SPRED2: variants seen among roughly 807,000 people sequenced by gnomAD.
The protein encoded by SPRED2 is sprouty-related, EVH1 domain-containing protein 2.
Under a neutral mutation model 43.0 loss-of-function variants are expected in SPRED2, and 47 were observed. The observed-to-expected ratio is 1.09, with a 90% CI of 0.87 to 1.40. The LOEUF is 1.40. SPRED2 is among the 40% of genes most tolerant of loss of function. The pLI is 0.00. For synonymous variants in SPRED2, 225 were observed against 225.7 expected, an observed-to-expected ratio of 1.00 and a Z score of 0.03; for missense variants, 561 against 586.4, an observed-to-expected ratio of 0.96 and a Z score of 0.45.
At chr2:65,330,995 AG>A (rs1430984174) in intron 4 of SPRED2, among the ~76,000 whole-genome samples, 2 of 100,022 alleles carry the variant, frequency 2.0e-5, no homozygotes, top group Non-Finnish European at 4.2e-5. Context: ...AAAATGAAAC[AG>A]AAAAAAAATC....
chr2:65,367,216 G>A (rs1384421689), intron 1 of SPRED2, among the ~76,000 whole-genome samples: 2 of 152,200 alleles, frequency 1.3e-5, no homozygotes, highest in African/African-American at 4.8e-5. Context: ...AATTTTATAG[G>A]TGGGATAGTG....
chr2:65,377,557 T>C (rs1203431396), intron 1 of SPRED2: 2 of 471,076 alleles, frequency 4.2e-6, no homozygotes, highest in Non-Finnish European at 8.8e-6. Context: ...GGGAACACTG[T>C]GGCAAAGCAA....
At chr2:65,363,005 G>GT (rs113081105) in intron 1 of SPRED2, among the ~76,000 whole-genome samples, 22,793 of 116,778 alleles carry the variant, frequency 0.2, 3,229 homozygotes, top group Non-Finnish European at 0.27. Flanking sequence ...ATCATGTTTT[G>GT]TTTTTTTTTT....
chr2:65,307,304 T>C (rs1263133628), downstream of SPRED2, among the ~76,000 whole-genome samples: 3 of 152,174 alleles, frequency 2.0e-5, no homozygotes, highest in East Asian at 1.9e-4. Context: ...CAAGCATTTC[T>C]TGTGCCTCAG....
chr2:65,315,426 G>T (rs1055222375), intron 5 of SPRED2, among the ~76,000 whole-genome samples: 4 of 152,116 alleles, frequency 2.6e-5, no homozygotes, highest in African/African-American at 9.7e-5. Flanking sequence ...TTGATCATGC[G>T]CTTATTAGAT....
chr2:65,336,714 A>G (rs1324810511), intron 2 of SPRED2, among the ~76,000 whole-genome samples: 1 of 152,230 alleles, frequency 6.6e-6, no homozygotes, highest in Non-Finnish European at 1.5e-5. Context: ...TCTAAAAACA[A>G]AGACTCCTAG....
chr2:65,379,271 G>A (rs571388928), intron 1 of SPRED2, among the ~76,000 whole-genome samples: 1 of 152,150 alleles, frequency 6.6e-6, no homozygotes, highest in African/African-American at 2.4e-5. Flanking sequence ...ATCTTGCTGA[G>A]AGCAGCTTAT....
intron 1 of SPRED2, among the ~76,000 whole-genome samples, chr2:65,355,309 G>A (rs1028789836): frequency 6.6e-6 from 1 of 152,146 alleles, no homozygotes; most frequent in Non-Finnish European, 1.5e-5. Context: ...ATTATGGGAA[G>A]ATTTTACTGT....
chr2:65,404,102 G>A (rs192599439), intron 1 of SPRED2, among the ~76,000 whole-genome samples: 71 of 152,118 alleles, frequency 4.7e-4, no homozygotes, highest in Non-Finnish European at 2.6e-4. Context: ...CTACTCAGGA[G>A]GCTGAGGCAG....
At chr2:65,399,269 C>CAA (rs1360241172) in intron 1 of SPRED2, among the ~76,000 whole-genome samples, 8 of 78,794 alleles carry the variant, frequency 1.0e-4, no homozygotes, top group African/African-American at 2.0e-4. Flanking sequence ...AAATCTGTCT[C>CAA]AAAAAAAAAA....
rs550098744 is a variant in SPRED2, at chr2:65,360,069, A to C, written c.27-15173T>G. On this transcript the variant is annotated intron_variant, in intron 1 of 5. Coordinates refer to ENST00000356388, the MANE Select transcript of SPRED2 (RefSeq NM_181784.3). ...GACAGAGCGAGACTCCATCTCAAAA[A>C]AAAAAAAAACAAAAAAAAACAAAAA... 1.6e-3 allele frequency among the ~76,000 whole-genome samples: 203 copies of C among 123,180 alleles called. 1 individual carries two copies. The highest frequency in any genetic ancestry group is 4.3e-3 in the Middle Eastern group (1 of 234). 80.8% of individuals were successfully genotyped at this position (123,180 alleles called of 152,430 possible).
At chr2:65,350,267 A>G (rs1674471494) in intron 1 of SPRED2, among the ~76,000 whole-genome samples, 1 of 152,262 alleles carries the variant, frequency 6.6e-6, no homozygotes, top group Non-Finnish European at 1.5e-5. Flanking sequence ...AAATTTGCAC[A>G]AGGAAACTGC....
At chr2:65,416,152 C>CGGGAGGAT (rs1162729956) in intron 1 of SPRED2, among the ~76,000 whole-genome samples, 1 of 152,116 alleles carries the variant, frequency 6.6e-6, no homozygotes, top group Non-Finnish European at 1.5e-5. Flanking sequence ...AATACCAACT[C>CGGGAGGAT]GGGAGGATGG....
chr2:65,360,100 C>A (rs113001768), intron 1 of SPRED2, among the ~76,000 whole-genome samples: 2,946 of 102,914 alleles, frequency 0.029, 104 homozygotes, highest in African/African-American at 0.083. Context: ...AAAAAAAAAA[C>A]AAAAAAAAAA....
At chr2:65,428,528 T>A (rs1225795800) in intron 1 of SPRED2, among the ~76,000 whole-genome samples, 1 of 152,240 alleles carries the variant, frequency 6.6e-6, no homozygotes, top group Non-Finnish European at 1.5e-5. Flanking sequence ...CAGAACAGTA[T>A]TTTTATCTCT....
intron 2 of SPRED2, among the ~76,000 whole-genome samples, chr2:65,338,582 A>G (rs1342790174): frequency 1.3e-5 from 2 of 150,936 alleles, no homozygotes; most frequent in African/African-American, 4.9e-5. Flanking sequence ...TTGCAGACGG[A>G]GTCTCATTCA....
At chr2:65,430,951 T>G (rs1197439936) in intron 1 of SPRED2, among the ~76,000 whole-genome samples, 1 of 151,592 alleles carries the variant, frequency 6.6e-6, no homozygotes, top group Non-Finnish European at 1.5e-5. Flanking sequence ...ACCCCAGGCA[T>G]AAGACTTGAG....
At chr2:65,338,567 CGGGATTG>C (rs1674054820) in intron 2 of SPRED2, among the ~76,000 whole-genome samples, 1 of 150,834 alleles carries the variant, frequency 6.6e-6, no homozygotes, top group Admixed American at 6.6e-5. Context: ...CCCGAGGTGC[CGGGATTG>C]CAGACGGAGT....
At chr2:65,355,382 G>A (rs980986267) in intron 1 of SPRED2, among the ~76,000 whole-genome samples, 1 of 152,138 alleles carries the variant, frequency 6.6e-6, no homozygotes, top group Admixed American at 6.5e-5. Context: ...CAAAAACCAC[G>A]AAAACACGAA....
Sources: allele counts gnomAD v4.1 joint callset (sites outside exome capture counted in the v4.1 genomes callset), GRCh38; gene constraint gnomAD v4.1.1; transcripts MANE v1.5; gene names NCBI Gene and HGNC (gene_info 2026-07-23, HGNC 2026-07-21).